CPB1: variants seen among roughly 807,000 people sequenced by gnomAD.
CPB1 encodes carboxypeptidase B1.
CPB1 carries 53 observed loss-of-function variants against 51.4 expected under a neutral mutation model. The observed-to-expected ratio is 1.03, with a 90% CI of 0.83 to 1.30. The LOEUF is 1.30. CPB1 is among the 50% of genes most tolerant of loss of function. The pLI is 0.00. For synonymous variants in CPB1, 189 were observed against 186.9 expected (o/e 1.01, Z -0.09); for missense variants, 494 against 516.2 (o/e 0.96, Z 0.42).
chr3:148,839,383 C>G (rs1476340794), intron 3 of CPB1, among the ~76,000 whole-genome samples: 2 of 152,106 alleles, frequency 1.3e-5, no homozygotes, highest in Non-Finnish European at 1.5e-5. Flanking sequence ...ATAAAAAATT[C>G]ACGTTGTTTT....
chr3:148,856,068 A>T (rs1218799574), intron 9 of CPB1: 2 of 152,378 alleles, frequency 1.3e-5, no homozygotes, highest in Admixed American at 6.5e-5. Context: ...TTACAATAAG[A>T]TTAAACAAGA....
At chr3:148,835,285 T>C (rs1026429173) in intron 3 of CPB1, among the ~76,000 whole-genome samples, 56 of 152,308 alleles carry the variant, frequency 3.7e-4, no homozygotes, top group African/African-American at 1.3e-3. Context: ...ATATTGAATG[T>C]CTACATGTAT....
chr3:148,857,164 C>T, intron 9 of CPB1: 1 of 195,760 alleles, frequency 5.1e-6, no homozygotes, highest in Admixed American at 5.8e-5. Context: ...CTTTGCACAA[C>T]CATAAAGACT....
chr3:148,844,951 T>C (rs1043774610), intron 8 of CPB1, among the ~76,000 whole-genome samples, 184 bp downstream of exon 8: 1 of 151,520 alleles, frequency 6.6e-6, no homozygotes, highest in Admixed American at 6.6e-5. Flanking sequence ...GAGAACTCTG[T>C]TGCGTTCCCA....
intron 10 of CPB1, among the ~76,000 whole-genome samples, chr3:148,859,476 C>T (rs938249327): frequency 2.6e-5 from 4 of 152,154 alleles, no homozygotes; most frequent in Non-Finnish European, 5.9e-5. Context: ...AATCATCATA[C>T]GGCTTTCCTT....
chr3:148,858,045 T>G (rs1009291700), intron 10 of CPB1, among the ~76,000 whole-genome samples: 3 of 151,730 alleles, frequency 2.0e-5, no homozygotes, highest in Admixed American at 6.6e-5. Flanking sequence ...GAAGAAAAGA[T>G]GAAAAGAGAA....
At chr3:148,840,604 C>G in intron 3 of CPB1, 82 bp from the exon 4 acceptor site, 1 of 1,143,114 alleles carries the variant, frequency 8.7e-7, no homozygotes, top group South Asian at 1.3e-5. Flanking sequence ...TCTACTAAAG[C>G]AGTGGCTCTG....
chr3:148,830,424 C>A (rs759404429), intron 2 of CPB1, among the ~76,000 whole-genome samples: 3 of 152,118 alleles, frequency 2.0e-5, no homozygotes, highest in Non-Finnish European at 4.4e-5. Flanking sequence ...GGACACCTCT[C>A]TGGGTCTCAA....
intron 9 of CPB1, chr3:148,857,020 T>C (rs1713583977): frequency 1.2e-5 from 2 of 162,298 alleles, no homozygotes; most frequent in South Asian, 1.7e-4. Context: ...CACAACCCTA[T>C]TGTAACTTAA....
intron 6 of CPB1, among the ~76,000 whole-genome samples, 161 bp from the exon 7 acceptor site, chr3:148,844,317 T>C (rs1045059248): frequency 1.3e-5 from 2 of 152,104 alleles, no homozygotes; most frequent in Non-Finnish European, 2.9e-5. Context: ...ATATCAAGTA[T>C]TGGTAGTAAT....
chr3:148,828,680 C>T (rs773846348), intron 2 of CPB1, among the ~76,000 whole-genome samples: 5 of 152,152 alleles, frequency 3.3e-5, no homozygotes, highest in African/African-American at 4.8e-5. Flanking sequence ...TTTTAAACTG[C>T]GTATACAATG....
chr3:148,844,377 C>T (rs1713169368), intron 6 of CPB1, 101 bp from the exon 7 acceptor site: 1 of 786,088 alleles, frequency 1.3e-6, no homozygotes, highest in Admixed American at 2.3e-5. Flanking sequence ...ATAGGAAATG[C>T]TGCTCTTATT....
intron 9 of CPB1, among the ~76,000 whole-genome samples, chr3:148,847,874 G>A (rs1713303339): frequency 6.6e-6 from 1 of 152,088 alleles, no homozygotes; most frequent in South Asian, 2.1e-4. Flanking sequence ...TTAATTTGAT[G>A]TATCATACTC....
In CPB1 at chr3:148,844,577, A is replaced by C. The variant is rs1165080258; in HGVS notation, c.676A>C (p.Thr226Pro). The C allele has an allele frequency of 6.2e-7, 1 of 1,613,616 alleles. No homozygotes were observed. Among genetic ancestry groups the C allele is most frequent in the African/African-American group, 1.3e-5 (1 of 74,912 alleles). ...PVLNIDGYIY[T>P]WTKSRFWRKT... ...GCTCAATATTGATGGCTACATCTAC[A>C]CCTGGACCAAGGTATATGCACCAAT... is the stretch of plus-strand genomic sequence containing the variant. The change falls in exon 7 of 11, where the codon ACC becomes CCC. Residue 226 changes from threonine (T) to proline (P), a missense_variant. By Grantham distance (38) the Thr-to-Pro change is conservative. Transcript: ENST00000282957.
intron 9 of CPB1, chr3:148,857,235 G>A (rs550851274): frequency 3.2e-5 from 14 of 435,878 alleles, no homozygotes; most frequent in African/African-American, 2.2e-4. Flanking sequence ...GAGGCTCAGA[G>A]TGAATGCTTG....
At chr3:148,847,847 A>G (rs1388669) in intron 9 of CPB1, among the ~76,000 whole-genome samples, 148,662 of 152,284 alleles carry the variant, frequency 0.98, 72,590 homozygotes, top group African/African-American at 0.99. Flanking sequence ...CAAGACAGGT[A>G]ACTAAAATGC....
At chr3:148,858,961 T>A (rs1020771206) in intron 10 of CPB1, among the ~76,000 whole-genome samples, 1 of 152,238 alleles carries the variant, frequency 6.6e-6, no homozygotes, top group Non-Finnish European at 1.5e-5. Flanking sequence ...TAAGCCTTTA[T>A]GCAAAATACA....
At chr3:148,833,287 C>T (rs1204579848) in intron 2 of CPB1, among the ~76,000 whole-genome samples, 3 of 152,116 alleles carry the variant, frequency 2.0e-5, no homozygotes, top group African/African-American at 7.2e-5. Flanking sequence ...CACCAGTATC[C>T]CTGCCTCCCA....
intron 2 of CPB1, among the ~76,000 whole-genome samples, chr3:148,828,680 C>G (rs773846348): frequency 3.3e-5 from 5 of 152,152 alleles, no homozygotes; most frequent in South Asian, 2.1e-4. Context: ...TTTTAAACTG[C>G]GTATACAATG....
Sources: gnomAD v4.1 joint callset for allele counts (sites outside exome capture counted in the v4.1 genomes callset) on GRCh38, gnomAD v4.1.1 for gene constraint, MANE v1.5 for transcripts, NCBI Gene and HGNC (gene_info 2026-07-23, HGNC 2026-07-21) for gene names.